Variants in ATP2B4 observed in about 807,000 individuals in gnomAD.
The protein encoded by ATP2B4 is ATPase plasma membrane Ca2+ transporting 4.
ATP2B4 carries 39 observed loss-of-function variants against 110.3 expected under a neutral mutation model. That is an observed-to-expected ratio of 0.35 (90% confidence interval 0.27 to 0.46). The LOEUF (loss-of-function observed/expected upper bound fraction) is 0.46. Ranked by LOEUF, ATP2B4 falls within the 20% of genes least tolerant of loss-of-function variation. The probability of loss-of-function intolerance (pLI) is 1.00; values close to 1 mark genes in which losing one functional copy is unlikely to be tolerated. For missense variants in ATP2B4, 1,135 were observed against 1,530.9 expected, an observed-to-expected ratio of 0.74 and a Z score of 4.32; for synonymous variants, 538 against 571.7, an observed-to-expected ratio of 0.94 and a Z score of 0.84.
intron 20 of ATP2B4, among the ~76,000 whole-genome samples, chr1:203,732,764 G>A (rs1424349439): frequency 2.0e-5 from 3 of 150,910 alleles, no homozygotes; most frequent in Non-Finnish European, 4.4e-5. Context: ...GCAGTGAACC[G>A]AGAGTGTGCC....
Position 203,666,923 on chromosome 1 carries a change from A to G in ATP2B4, c.-464-15819A>G, listed in dbSNP as rs542404591. Among the ~76,000 whole-genome samples the G allele has an allele frequency of 7.2e-5, 11 of 152,298 alleles. No individual in the cohort carries two copies. The South Asian group carries it at 2.3e-3, about 32-fold the overall frequency. ...TAATATTTCAGTGCTGTGTACTCAC[A>G]ATTGTGAGCTCTCTAGCACCTTTTT... On this transcript the variant is annotated intron_variant, in intron 1 of 20. Transcript: ENST00000357681.
intron 15 of ATP2B4, among the ~76,000 whole-genome samples, chr1:203,719,671 C>T (rs567529526): frequency 5.9e-5 from 9 of 151,884 alleles, no homozygotes; most frequent in Non-Finnish European, 1.3e-4. Context: ...GCTGAGATCA[C>T]ACCACTGCTG....
chr1:203,692,752 A>G (rs1224481721), intron 2 of ATP2B4, among the ~76,000 whole-genome samples: 1 of 152,176 alleles, frequency 6.6e-6, no homozygotes, highest in East Asian at 1.9e-4. Flanking sequence ...GCTGGAGCTA[A>G]GCCACTGAGG....
chr1:203,722,617 G>C lies in ATP2B4; in HGVS notation c.2952G>C (p.Glu984Asp), dbSNP rs1351858811. Residue 984 changes from glutamate to aspartate, a missense_variant, in exon 18 of 21, where the codon GAG becomes GAC. Transcript: ENST00000357681. The stretch of plus-strand genomic sequence containing the variant: ...TCAACTCCCGAAAGATCCATGGAGA[G>C]AAGAACGTCTTTTCAGGCATCTACC... The part of the protein sequence containing the change: ...NEINSRKIHG[E>D]KNVFSGIYRN... 4 of 1,614,196 alleles carry C rather than the reference G, an allele frequency of 2.5e-6. No individual in the cohort carries two copies. The highest frequency in any genetic ancestry group is 3.4e-6 in the Non-Finnish European group (4 of 1,180,024).
intron 1 of ATP2B4, among the ~76,000 whole-genome samples, chr1:203,647,436 T>TA (rs11370913): frequency 0.95 from 144,116 of 150,914 alleles, 69,180 homozygotes; most frequent in East Asian, 1. Flanking sequence ...AACTTCTCTC[T>TA]AAAAAAAACA....
At chr1:203,674,036 G>A (rs7554814) in intron 1 of ATP2B4, among the ~76,000 whole-genome samples, 120,389 of 152,126 alleles carry the variant, frequency 0.79, 48,067 homozygotes, top group Middle Eastern at 0.9. Context: ...AAGACAGTCT[G>A]TGTAGTCCAA....
rs540361734 is a variant in ATP2B4, at chr1:203,634,322, A to T, written c.-465+7103A>T. 2.6e-4 allele frequency among the ~76,000 whole-genome samples: 40 copies of T among 152,314 alleles called. No homozygotes were observed. The South Asian group carries it at 8.1e-3, about 31-fold the overall frequency. On this transcript the variant is annotated intron_variant, in intron 1 of 20. Coordinates refer to ENST00000357681, the MANE Select transcript of ATP2B4 (RefSeq NM_001684.5). ...TTCCTTCTGTCTACTGAAACTTTGC[A>T]TCTTTTAGCCAACATTATCTTTATT...
intron 1 of ATP2B4, among the ~76,000 whole-genome samples, chr1:203,649,815 G>A (rs1663921086): frequency 6.6e-6 from 1 of 152,050 alleles, no homozygotes; most frequent in South Asian, 2.1e-4. Context: ...ACCAAGTGCT[G>A]TACTTTACAG....
At chr1:203,694,907 G>A (rs1385479573) in intron 2 of ATP2B4, among the ~76,000 whole-genome samples, 1 of 152,072 alleles carries the variant, frequency 6.6e-6, no homozygotes, top group Non-Finnish European at 1.5e-5. Context: ...ATATTTTGAA[G>A]CTGATAGGAT....
chr1:203,712,807 A>G (rs1208193859), intron 13 of ATP2B4, among the ~76,000 whole-genome samples: 1 of 152,096 alleles, frequency 6.6e-6, no homozygotes, highest in Non-Finnish European at 1.5e-5. Context: ...CACAGATCCA[A>G]GCTTTCCTGA....
At position 203,700,276 on chromosome 1, in the gene ATP2B4, A is replaced by T. The variant is rs770123805; in HGVS notation, c.720A>T (p.Thr240=). The T allele has an allele frequency of 5.6e-6, 9 of 1,613,934 alleles. No individual in the cohort carries two copies. Among genetic ancestry groups the T allele is most frequent in the Non-Finnish European group, 7.6e-6 (9 of 1,179,944 alleles). Residue 240 remains threonine (T), a synonymous_variant, in exon 5 of 21, where the codon ACA becomes ACT. Coordinates refer to ENST00000357681, the MANE Select transcript of ATP2B4 (RefSeq NM_001684.5). ...NDLKIDESSL[T]GESDHVKKSL... ...TGAAGATTGATGAGAGCTCTCTGACAGGGGAATCTGACCATGTCAAGAAGT... is the reference window on the plus strand; with the variant it reads ...TGAAGATTGATGAGAGCTCTCTGACTGGGGAATCTGACCATGTCAAGAAGT...
At chr1:203,690,472 C>T (rs145555945) in intron 2 of ATP2B4, among the ~76,000 whole-genome samples, 9 of 152,234 alleles carry the variant, frequency 5.9e-5, no homozygotes, top group African/African-American at 1.7e-4. Context: ...GCTTAGAGAC[C>T]GCTGCTCTAA....
At chr1:203,710,349 G>T (rs1665970327) in intron 11 of ATP2B4, among the ~76,000 whole-genome samples, 1 of 151,596 alleles carries the variant, frequency 6.6e-6, no homozygotes, top group Admixed American at 6.6e-5. Flanking sequence ...CAGCCTGGGT[G>T]ACAGAGTGAG....
intron 10 of ATP2B4, 91 bp downstream of exon 10, chr1:203,708,195 G>C: frequency 6.5e-7 from 1 of 1,528,454 alleles, no homozygotes. Context: ...TGTTTACACT[G>C]CCTAAATTGC....
At position 203,709,496 on chromosome 1, in the gene ATP2B4, G is replaced by A; in HGVS notation, c.1753G>A (p.Gly585Ser). 6.2e-7 allele frequency: 1 copy of A among 1,614,176 alleles called. No individual in the cohort carries two copies. Among genetic ancestry groups the A allele is most frequent in the South Asian group, 1.1e-5 (1 of 91,080 alleles). Residue 585 changes from glycine to serine, a missense_variant, in exon 11 of 21, where the codon GGC (glycine) becomes AGC (serine). Gly to Ser is a moderately conservative substitution (Grantham distance 56, BLOSUM62 0). Transcript: ENST00000357681. ...CACCGTCATCAGGAATCCCAACGGT[G>A]GCTTCCGTATGTACAGCAAGGGCGC... Reference protein sequence around the residue: ...MSTVIRNPNGGFRMYSKGASE... With the variant: ...MSTVIRNPNGSFRMYSKGASE...
intron 1 of ATP2B4, among the ~76,000 whole-genome samples, chr1:203,681,104 C>A (rs1664997829): frequency 1.3e-5 from 2 of 152,162 alleles, no homozygotes; most frequent in Admixed American, 1.3e-4. Flanking sequence ...CTTTGTGGAT[C>A]TTCTTGTTTC....
At position 203,685,789 on chromosome 1, in the gene ATP2B4, TAG is replaced by T. The variant is rs988125991; in HGVS notation, c.193+2394_193+2395del. The stretch of plus-strand genomic sequence containing the variant: ...AATAATGTTAATAACACCTAGCCCA[TAG>T]AGTTACTGAGATTAAATAATACATA... On this transcript the variant is annotated intron_variant, in intron 2 of 20. Transcript: ENST00000357681. Among the ~76,000 whole-genome samples the T allele has an allele frequency of 3.9e-4, 60 of 152,334 alleles. 1 individual carries two copies. Among genetic ancestry groups the T allele is most frequent in the Non-Finnish European group, 1.6e-4 (11 of 68,032 alleles).
chr1:203,730,594 C>A (rs922804903), intron 20 of ATP2B4, among the ~76,000 whole-genome samples: 4 of 152,210 alleles, frequency 2.6e-5, no homozygotes, highest in Non-Finnish European at 4.4e-5. Context: ...TTCCCTCAGT[C>A]CAGTACCTCC....
intron 8 of ATP2B4, 143 bp downstream of exon 8, chr1:203,703,956 C>A (rs374894268): frequency 3.8e-6 from 4 of 1,053,366 alleles, no homozygotes; most frequent in Non-Finnish European, 5.4e-6. Flanking sequence ...GCGGCTGTTT[C>A]CCTATCTCCG....
Sources: allele counts gnomAD v4.1 joint callset (sites outside exome capture counted in the v4.1 genomes callset), GRCh38; gene constraint gnomAD v4.1.1; transcripts MANE v1.5; gene names NCBI Gene and HGNC (gene_info 2026-07-23, HGNC 2026-07-21).